Variants in PRDM16 observed in about 807,000 individuals in gnomAD.
PRDM16 encodes histone-lysine N-methyltransferase PRDM16.
Under a neutral mutation model 110.6 loss-of-function variants are expected in PRDM16, and 23 were observed. The observed-to-expected ratio is 0.21, with a 90% CI of 0.15 to 0.29. The LOEUF (loss-of-function observed/expected upper bound fraction) is 0.29, where lower values mean the gene tolerates loss of function less well. Ranked by LOEUF, PRDM16 falls within the 10% of genes least tolerant of loss-of-function variation. The pLI, the probability that PRDM16 is intolerant of heterozygous loss-of-function variation, is 1.00. For missense variants in PRDM16, 1,615 were observed against 1,794.3 expected, an observed-to-expected ratio of 0.90 and a Z score of 1.81; for synonymous variants, 799 against 781.8, an observed-to-expected ratio of 1.02 and a Z score of -0.37.
chr1:3,343,892 C>T (rs143989512), intron 3 of PRDM16, among the ~76,000 whole-genome samples: 1,697 of 152,318 alleles, frequency 0.011, 25 homozygotes, highest in African/African-American at 0.038. Flanking sequence ...CCACCCACCT[C>T]GGCCTCCCAA....
chr1:3,318,881 A>C (rs1641675560), intron 3 of PRDM16, among the ~76,000 whole-genome samples: 1 of 152,096 alleles, frequency 6.6e-6, no homozygotes, highest in Non-Finnish European at 1.5e-5. Context: ...TGCTGCCAGG[A>C]CTCTCCCCAC....
intron 1 of PRDM16, among the ~76,000 whole-genome samples, chr1:3,096,721 AG>A (rs988511136): frequency 2.0e-5 from 3 of 152,102 alleles, no homozygotes; most frequent in Non-Finnish European, 4.4e-5. Flanking sequence ...CTTCCGGAGC[AG>A]GGGTGGATGG....
chr1:3,228,060 C>T (rs777469577), intron 2 of PRDM16, among the ~76,000 whole-genome samples: 1 of 152,228 alleles, frequency 6.6e-6, no homozygotes, highest in Non-Finnish European at 1.5e-5. Flanking sequence ...TAAGACAAAA[C>T]AGAAGCGCCA....
At chr1:3,078,388 C>T (rs1004344251) in intron 1 of PRDM16, among the ~76,000 whole-genome samples, 1 of 152,188 alleles carries the variant, frequency 6.6e-6, no homozygotes, top group Non-Finnish European at 1.5e-5. Flanking sequence ...GGAGTGGTCC[C>T]TCGCCTGGGG....
intron 1 of PRDM16, among the ~76,000 whole-genome samples, chr1:3,099,760 CA>C (rs775577464): frequency 3.4e-4 from 52 of 152,192 alleles, no homozygotes; most frequent in Non-Finnish European, 6.2e-4. Flanking sequence ...AGATGAGCAT[CA>C]GAGACCGTTT....
intron 2 of PRDM16, among the ~76,000 whole-genome samples, chr1:3,211,621 C>T (rs1638884646): frequency 6.6e-6 from 1 of 152,236 alleles, no homozygotes; most frequent in Non-Finnish European, 1.5e-5. Flanking sequence ...CGTCCTTGGT[C>T]GTCCAGCCCA....
At chr1:3,130,196 G>A (rs1357951302) in intron 1 of PRDM16, among the ~76,000 whole-genome samples, 1 of 152,222 alleles carries the variant, frequency 6.6e-6, no homozygotes, top group African/African-American at 2.4e-5. Context: ...CTCTGTCCCT[G>A]TCCTGTGCAG....
rs185737933 is a variant in PRDM16, at chr1:3,227,537, G to A, written c.388-16550G>A. ...GGCGGGACCGTGACAGTCCAGCGTG[G>A]GGCCGCAGCTGCGGCGGGGCTCTGC... On this transcript the variant is annotated intron_variant, in intron 2 of 16. Transcript: ENST00000270722. Among the ~76,000 whole-genome samples the A allele has an allele frequency of 8.0e-4, 122 of 152,378 alleles. 1 individual carries two copies. Among genetic ancestry groups the A allele is most frequent in the African/African-American group, 2.8e-3 (116 of 41,590 alleles).
At chr1:3,352,489 A>G (rs1420086844) in intron 3 of PRDM16, among the ~76,000 whole-genome samples, 4 of 152,010 alleles carry the variant, frequency 2.6e-5, no homozygotes, top group Non-Finnish European at 4.4e-5. Flanking sequence ...CCTCCGCTCT[A>G]TCATTTCGTT....
intron 3 of PRDM16, among the ~76,000 whole-genome samples, chr1:3,300,934 T>C (rs1190866814): frequency 1.3e-5 from 2 of 152,162 alleles, no homozygotes; most frequent in Admixed American, 6.5e-5. Context: ...TTGGCACTTA[T>C]CACCTGGAAG....
intron 9 of PRDM16, 71 bp from the exon 10 acceptor site, chr1:3,414,489 C>A: frequency 8.2e-7 from 1 of 1,223,484 alleles, no homozygotes; most frequent in South Asian, 1.3e-5. Context: ...GGGTGGGCGG[C>A]TCTGTGGAGC....
intron 2 of PRDM16, among the ~76,000 whole-genome samples, chr1:3,241,465 C>T (rs569665046): frequency 1.3e-5 from 2 of 152,320 alleles, no homozygotes; most frequent in East Asian, 3.9e-4. Context: ...ACCACCACCC[C>T]GGGGCTGGCC....
chr1:3,416,538 C>T (rs1283169858), intron 10 of PRDM16, among the ~76,000 whole-genome samples: 1 of 152,162 alleles, frequency 6.6e-6, no homozygotes. Context: ...AGGCTGGGTG[C>T]CAAGGACCGG....
intron 1 of PRDM16, among the ~76,000 whole-genome samples, chr1:3,145,608 C>T (rs1403807017): frequency 6.6e-6 from 1 of 152,150 alleles, no homozygotes; most frequent in Non-Finnish European, 1.5e-5. Flanking sequence ...CACAGCAGAA[C>T]AGAGCCATGA....
At chr1:3,368,829 G>GA (rs762284529) in intron 3 of PRDM16, among the ~76,000 whole-genome samples, 55 of 150,576 alleles carry the variant, frequency 3.7e-4, no homozygotes, top group African/African-American at 1.2e-3. Flanking sequence ...TTTTTCAACA[G>GA]AAAAAAAAAT....
In PRDM16 at chr1:3,412,053, C is replaced by A; in HGVS notation, c.1856C>A (p.Thr619Lys). Reference protein sequence around the residue: ...TTTGTDLDTTTGTGSDLDSDV... With the variant: ...TTTGTDLDTTKGTGSDLDSDV... ...ACGGGGACCGACCTGGACACGACCA[C>A]GGGGACGGGCTCGGACCTGGACAGC... is the stretch of plus-strand genomic sequence containing the variant. The change falls in exon 9 of 17, where the codon ACG becomes AAG. Residue 619 changes from threonine to lysine, a missense_variant. By Grantham distance (78) the Thr-to-Lys change is moderately conservative. Coordinates refer to ENST00000270722, the MANE Select transcript of PRDM16 (RefSeq NM_022114.4). The A allele has an allele frequency of 6.2e-7, 1 of 1,610,316 alleles. No individual in the cohort carries two copies. Among genetic ancestry groups the A allele is most frequent in the Non-Finnish European group, 8.5e-7 (1 of 1,177,768 alleles).
chr1:3,378,454 G>A (rs1300856568), intron 3 of PRDM16, among the ~76,000 whole-genome samples: 1 of 152,120 alleles, frequency 6.6e-6, no homozygotes, highest in Non-Finnish European at 1.5e-5. Flanking sequence ...CCCTCCCTCT[G>A]GTCCTTGAGT....
rs974205290 is a variant in PRDM16 at position 3,251,408 on chromosome 1, C to T, written c.438+7271C>T. The stretch of plus-strand genomic sequence containing the variant: ...GTCAGGCACAGCTCTGGGCACCCGG[C>T]GTGAGAACCCACGTCCAGGGCTTGG... On this transcript the variant is annotated intron_variant, in intron 3 of 16. Coordinates refer to ENST00000270722, the MANE Select transcript of PRDM16 (RefSeq NM_022114.4). Among the ~76,000 whole-genome samples, 12 of 152,270 alleles carry T rather than the reference C, an allele frequency of 7.9e-5. No homozygotes were observed. The East Asian group carries it at 1.9e-3, about 24-fold the overall frequency.
intron 3 of PRDM16, among the ~76,000 whole-genome samples, chr1:3,348,446 C>T (rs568980754): frequency 5.9e-5 from 9 of 152,344 alleles, no homozygotes; most frequent in Non-Finnish European, 1.3e-4. Flanking sequence ...TCCCCAAAAT[C>T]CGCGGGCCAA....
Sources: gnomAD v4.1 joint callset for allele counts (sites outside exome capture counted in the v4.1 genomes callset) on GRCh38, gnomAD v4.1.1 for gene constraint, MANE v1.5 for transcripts, NCBI Gene and HGNC (gene_info 2026-07-23, HGNC 2026-07-21) for gene names.